The following SPAG16 variants were observed in gnomAD, a reference collection of about 807,000 sequenced individuals.
SPAG16 encodes sperm-associated antigen 16 protein.
In SPAG16, 86 loss-of-function variants were observed where a neutral mutation model predicts 80.4. That is an observed-to-expected ratio of 1.07 (90% CI 0.90 to 1.28). The LOEUF (loss-of-function observed/expected upper bound fraction) is 1.28. Ranked by LOEUF, SPAG16 falls within the 50% of genes most tolerant of loss-of-function variation. The pLI is 0.00. For synonymous variants in SPAG16, 294 were observed against 265.9 expected (o/e 1.11, Z -1.03); for missense variants, 870 against 765.3 (o/e 1.14, Z -1.61).
At chr2:213,675,874 T>G (rs1213781284) in intron 10 of SPAG16, among the ~76,000 whole-genome samples, 1 of 151,724 alleles carries the variant, frequency 6.6e-6, no homozygotes, top group African/African-American at 2.4e-5. Context: ...TGCGGGCTCT[T>G]TTTTGGTTCC....
At chr2:214,373,282 T>A (rs1302331784) in intron 15 of SPAG16, among the ~76,000 whole-genome samples, 1 of 152,184 alleles carries the variant, frequency 6.6e-6, no homozygotes, top group Non-Finnish European at 1.5e-5. Context: ...AGGGCAGTGC[T>A]ATATGGCAAA....
intron 8 of SPAG16, among the ~76,000 whole-genome samples, chr2:213,370,900 T>C (rs2066592178): frequency 6.6e-6 from 1 of 152,246 alleles, no homozygotes; most frequent in African/African-American, 2.4e-5. Flanking sequence ...GGGGAAATAG[T>C]TTCTTTTAGT....
At chr2:213,701,425 C>A (rs989213065) in intron 10 of SPAG16, among the ~76,000 whole-genome samples, 1 of 152,110 alleles carries the variant, frequency 6.6e-6, no homozygotes, top group Non-Finnish European at 1.5e-5. Context: ...TCACTCTTGG[C>A]GCCTCCTCGG....
intron 10 of SPAG16, among the ~76,000 whole-genome samples, chr2:213,856,871 A>T (rs1191346606): frequency 2.0e-5 from 3 of 152,202 alleles, no homozygotes; most frequent in Non-Finnish European, 4.4e-5. Context: ...ACAAGTGCTG[A>T]AGTAGAAGCT....
Position 213,868,128 on chromosome 2 carries a change from A to G in SPAG16, c.1214+5500A>G, listed in dbSNP as rs2075778932. 2.6e-5 allele frequency among the ~76,000 whole-genome samples: 4 copies of G among 152,168 alleles called. No homozygotes were observed. The South Asian group carries it at 8.3e-4, about 32-fold the overall frequency. ...CAGTAAATGATTAAGATAGTTATAA[A>G]CTGAAAACCAAATTCAATTGCTTCA... is the stretch of plus-strand genomic sequence containing the variant. On this transcript the variant is annotated intron_variant, in intron 11 of 15. Coordinates refer to ENST00000331683, the MANE Select transcript of SPAG16 (RefSeq NM_024532.5).
At chr2:213,934,043 T>A (rs920800292) in intron 12 of SPAG16, among the ~76,000 whole-genome samples, 2 of 152,080 alleles carry the variant, frequency 1.3e-5, no homozygotes, top group Admixed American at 1.3e-4. Flanking sequence ...CCAATCTCAA[T>A]ATGGCCACAG....
intron 14 of SPAG16, among the ~76,000 whole-genome samples, chr2:214,129,356 G>A (rs1015355): frequency 0.097 from 14,736 of 152,068 alleles, 957 homozygotes; most frequent in East Asian, 0.29. Flanking sequence ...GACTTCATTC[G>A]TTTTCATCTC....
At chr2:214,277,778 G>A (rs1485608614) in intron 15 of SPAG16, among the ~76,000 whole-genome samples, 1 of 152,214 alleles carries the variant, frequency 6.6e-6, no homozygotes, top group Non-Finnish European at 1.5e-5. Flanking sequence ...ACCCACTTGA[G>A]GAAGCAGTCT....
intron 10 of SPAG16, among the ~76,000 whole-genome samples, chr2:213,702,168 C>A (rs115112875): frequency 6.6e-6 from 1 of 152,112 alleles, no homozygotes; most frequent in African/African-American, 2.4e-5. Context: ...CTCTGTAAAA[C>A]GGACCAATCA....
chr2:214,175,185 A>C (rs1419831731), intron 15 of SPAG16, among the ~76,000 whole-genome samples: 1 of 147,068 alleles, frequency 6.8e-6, no homozygotes, highest in Non-Finnish European at 1.5e-5. Flanking sequence ...TTGAGGAACC[A>C]GGAATAAAGA....
chr2:213,483,051 CAT>C (rs537282832), intron 9 of SPAG16, among the ~76,000 whole-genome samples: 80 of 152,190 alleles, frequency 5.3e-4, no homozygotes, highest in Non-Finnish European at 1.1e-3. Flanking sequence ...TAGTTGCACA[CAT>C]ATATGTGTAA....
At chr2:213,306,124 C>T (rs1039128197) in intron 3 of SPAG16, among the ~76,000 whole-genome samples, 36 of 151,788 alleles carry the variant, frequency 2.4e-4, no homozygotes, top group Non-Finnish European at 2.4e-4. Flanking sequence ...TTTACTGGCA[C>T]GTAGTTGCTC....
chr2:213,501,723 CTT>C (rs1255803613), intron 10 of SPAG16, among the ~76,000 whole-genome samples: 1 of 152,000 alleles, frequency 6.6e-6, no homozygotes, highest in African/African-American at 2.4e-5. Flanking sequence ...TATACTTTTC[CTT>C]TTTGTGCTTG....
intron 10 of SPAG16, among the ~76,000 whole-genome samples, chr2:213,702,877 A>G (rs1236439282): frequency 6.6e-6 from 1 of 152,206 alleles, no homozygotes; most frequent in Non-Finnish European, 1.5e-5. Flanking sequence ...TAACAATAGT[A>G]CTAGCACTCA....
At chr2:214,320,306 C>T (rs1176209860) in intron 15 of SPAG16, among the ~76,000 whole-genome samples, 1 of 152,162 alleles carries the variant, frequency 6.6e-6, no homozygotes, top group Non-Finnish European at 1.5e-5. Flanking sequence ...CAGTTACTTC[C>T]TTCCAGAACT....
chr2:213,825,908 T>A (rs10209846), intron 10 of SPAG16, among the ~76,000 whole-genome samples: 52,813 of 151,056 alleles, frequency 0.35, 9,768 homozygotes, highest in East Asian at 0.51. Context: ...GCTGGGAGAG[T>A]TTTTATTATG....
At chr2:214,345,741 A>T (rs377241615) in intron 15 of SPAG16, among the ~76,000 whole-genome samples, 1 of 152,124 alleles carries the variant, frequency 6.6e-6, no homozygotes, top group Non-Finnish European at 1.5e-5. Context: ...ATGCTGACTG[A>T]TAACACCATA....
chr2:213,919,574 A>G (rs929850354), intron 11 of SPAG16, among the ~76,000 whole-genome samples: 5 of 152,192 alleles, frequency 3.3e-5, no homozygotes, highest in African/African-American at 1.2e-4. Context: ...AAGTGCAGCT[A>G]TTCAATTTCC....
chr2:213,455,869 T>C (rs1036284896), intron 9 of SPAG16, among the ~76,000 whole-genome samples: 1 of 152,136 alleles, frequency 6.6e-6, no homozygotes, highest in African/African-American at 2.4e-5. Context: ...TGACTCAAGA[T>C]AGTCACCAGA....
Sources: allele counts gnomAD v4.1 joint callset (sites outside exome capture counted in the v4.1 genomes callset), GRCh38; gene constraint gnomAD v4.1.1; transcripts MANE v1.5; gene names NCBI Gene and HGNC (gene_info 2026-07-23, HGNC 2026-07-21).